ASIC2: variants seen among roughly 807,000 people sequenced by gnomAD.
ASIC2 encodes the protein acid-sensing ion channel 2.
Under a neutral mutation model 57.3 loss-of-function variants are expected in ASIC2, and 25 were observed. The ratio of observed to expected loss-of-function variants is 0.44; its 90% CI spans 0.32 to 0.61. The LOEUF (loss-of-function observed/expected upper bound fraction) is 0.61. Ranked by LOEUF, ASIC2 falls within the 20% of genes least tolerant of loss-of-function variation. The pLI, the probability that ASIC2 is intolerant of heterozygous loss-of-function variation, is 0.06. For missense variants in ASIC2, 641 were observed against 738.1 expected (o/e 0.87, Z 1.52); for synonymous variants, 319 against 307.5 (o/e 1.04, Z -0.39).
chr17:33,324,921 T>C (rs1378109058), intron 1 of ASIC2, among the ~76,000 whole-genome samples: 1 of 152,124 alleles, frequency 6.6e-6, no homozygotes, highest in African/African-American at 2.4e-5. Flanking sequence ...TGACATAACT[T>C]GCCATTGTCC....
chr17:33,356,675 C>T (rs1045549074), intron 1 of ASIC2, among the ~76,000 whole-genome samples: 2 of 152,134 alleles, frequency 1.3e-5, no homozygotes, highest in Non-Finnish European at 2.9e-5. Flanking sequence ...GGCCCCCAAC[C>T]CAGTGCACTC....
At chr17:34,089,144 C>T (rs982100709) in intron 1 of ASIC2, among the ~76,000 whole-genome samples, 1 of 152,206 alleles carries the variant, frequency 6.6e-6, no homozygotes, top group South Asian at 2.1e-4. Flanking sequence ...ATGCTGGGAG[C>T]TGTAGACTGG....
At chr17:33,084,680 G>A (rs1022153850) in intron 3 of ASIC2, among the ~76,000 whole-genome samples, 2 of 152,214 alleles carry the variant, frequency 1.3e-5, no homozygotes, top group Non-Finnish European at 2.9e-5. Context: ...CTGGCAGGTA[G>A]CATGTGCTCC....
chr17:33,685,224 T>C (rs1908146742), intron 1 of ASIC2, among the ~76,000 whole-genome samples: 1 of 152,150 alleles, frequency 6.6e-6, no homozygotes, highest in Admixed American at 6.5e-5. Flanking sequence ...GCTTTCCAGA[T>C]AAGTAGAAAC....
At chr17:33,878,201 C>T (rs1188378134) in intron 1 of ASIC2, among the ~76,000 whole-genome samples, 1 of 152,208 alleles carries the variant, frequency 6.6e-6, no homozygotes, top group African/African-American at 2.4e-5. Flanking sequence ...ATCAGAGCGC[C>T]TCTCCTCCTC....
intron 1 of ASIC2, among the ~76,000 whole-genome samples, chr17:33,725,624 T>C (rs1025798067): frequency 6.6e-6 from 1 of 152,036 alleles, no homozygotes; most frequent in African/African-American, 2.4e-5. Flanking sequence ...CGTGGGCTAT[T>C]GCAAACACTT....
intron 1 of ASIC2, among the ~76,000 whole-genome samples, chr17:33,905,286 C>T (rs1476576783): frequency 6.6e-6 from 1 of 151,812 alleles, no homozygotes; most frequent in Non-Finnish European, 1.5e-5. Context: ...AAAGCTCCTG[C>T]TTTTCTGACT....
intron 1 of ASIC2, among the ~76,000 whole-genome samples, chr17:33,885,348 T>C (rs1914803977): frequency 6.6e-6 from 1 of 152,202 alleles, no homozygotes; most frequent in Non-Finnish European, 1.5e-5. Flanking sequence ...GTGATACTAA[T>C]AGATTACTAA....
At chr17:34,045,597 T>C (rs1908305766) in intron 1 of ASIC2, among the ~76,000 whole-genome samples, 1 of 152,208 alleles carries the variant, frequency 6.6e-6, no homozygotes, top group Admixed American at 6.5e-5. Context: ...GGCAAGTTAC[T>C]TTCCCTGCAT....
At chr17:33,526,884 G>A (rs1043582218) in intron 1 of ASIC2, among the ~76,000 whole-genome samples, 2 of 152,200 alleles carry the variant, frequency 1.3e-5, no homozygotes, top group Admixed American at 6.5e-5. Context: ...CCTCATGGTC[G>A]AATGCATCTG....
At chr17:33,252,567 G>T (rs570807628) in intron 1 of ASIC2, among the ~76,000 whole-genome samples, 1 of 152,048 alleles carries the variant, frequency 6.6e-6, no homozygotes, top group African/African-American at 2.4e-5. Flanking sequence ...CCATAGGAAG[G>T]TGTGTGCCCA....
At chr17:33,385,662 C>T (rs571741187) in intron 1 of ASIC2, among the ~76,000 whole-genome samples, 3 of 152,294 alleles carry the variant, frequency 2.0e-5, no homozygotes, top group East Asian at 1.9e-4. Context: ...TGAGGCCTGC[C>T]GGAGTGAAAA....
chr17:33,446,466 G>A (rs17836814), intron 1 of ASIC2, among the ~76,000 whole-genome samples: 52,932 of 151,884 alleles, frequency 0.35, 9,285 homozygotes, highest in Middle Eastern at 0.44. Context: ...GTCACTGGCC[G>A]GCTGAAATCA....
chr17:33,240,857 A>AAAGC (rs1208811037), intron 1 of ASIC2, among the ~76,000 whole-genome samples: 64 of 152,306 alleles, frequency 4.2e-4, no homozygotes, highest in Non-Finnish European at 1.5e-5. Flanking sequence ...CAAGCAAAGC[A>AAAGC]AAGCAAACAA....
Position 33,477,706 on chromosome 17 carries a change from T to G in ASIC2, c.556-365639A>C, listed in dbSNP as rs114836985. Among the ~76,000 whole-genome samples, 865 of 152,288 alleles carry G rather than the reference T, an allele frequency of 5.7e-3. 8 individuals are homozygous for G. Among genetic ancestry groups the G allele is most frequent in the African/African-American group, 0.02 (822 of 41,558 alleles). The stretch of plus-strand genomic sequence containing the variant: ...TGCCCTCAAGCACCTCACTCTTGAA[T>G]AGGGAAGACAGCCATTCACATGGAG... On this transcript the variant is annotated intron_variant, in intron 1 of 9. Transcript: ENST00000359872.
At chr17:33,621,895 T>C (rs1232781374) in intron 1 of ASIC2, among the ~76,000 whole-genome samples, 1 of 152,080 alleles carries the variant, frequency 6.6e-6, no homozygotes, top group Non-Finnish European at 1.5e-5. Flanking sequence ...ATTGAATCTG[T>C]TAAGTTGGGA....
chr17:33,084,162 G>C (rs559828701), intron 3 of ASIC2, among the ~76,000 whole-genome samples: 10 of 152,314 alleles, frequency 6.6e-5, no homozygotes, highest in Non-Finnish European at 1.3e-4. Context: ...CAGGGGCAGG[G>C]ACTCCCAGGT....
intron 1 of ASIC2, among the ~76,000 whole-genome samples, chr17:33,461,466 C>T (rs1912633425): frequency 6.6e-6 from 1 of 152,108 alleles, no homozygotes; most frequent in African/African-American, 2.4e-5. Context: ...TCCCCAGGGC[C>T]CTGCTTCTTG....
chr17:33,327,775 GC>G (rs1907136131), intron 1 of ASIC2, among the ~76,000 whole-genome samples: 1 of 152,222 alleles, frequency 6.6e-6, no homozygotes, highest in East Asian at 1.9e-4. Flanking sequence ...ACTTCCAGTA[GC>G]TGCGAATGTG....
Sources: allele counts gnomAD v4.1 joint callset (sites outside exome capture counted in the v4.1 genomes callset), GRCh38; gene constraint gnomAD v4.1.1; transcripts MANE v1.5; gene names NCBI Gene and HGNC (gene_info 2026-07-23, HGNC 2026-07-21).